ST18: variants seen among roughly 807,000 people sequenced by gnomAD.
The protein encoded by ST18 is suppression of tumorigenicity 18 protein.
A neutral mutation model predicts 110.0 loss-of-function variants in ST18; 50 were observed. The observed-to-expected ratio is 0.45, with a 90% CI of 0.36 to 0.58. ST18 has a LOEUF of 0.58. Ranked by LOEUF, ST18 falls within the 20% of genes least tolerant of loss-of-function variation. The pLI, the probability that ST18 is intolerant of heterozygous loss-of-function variation, is 0.00. For missense variants in ST18, 1,306 were observed against 1,280.1 expected (o/e 1.02, Z -0.31); for synonymous variants, 461 against 452.4 (o/e 1.02, Z -0.24).
chr8:52,118,412 A>G lies in ST18; in HGVS notation c.2785T>C (p.Leu929=), dbSNP rs371067974. ...GIESDEEIRH[L]DEEIKELNES... is the part of the protein sequence containing the mutation. ...TTCAGTTCCTTTATTTCTTCATCCAAATGCCTAATTTCTTCATCACTCTCT... is the reference window on the plus strand; with the variant it reads ...TTCAGTTCCTTTATTTCTTCATCCAGATGCCTAATTTCTTCATCACTCTCT... The change falls in exon 24 of 26, where the codon TTG becomes CTG. Residue 929 remains leucine (L), a synonymous_variant. Coordinates refer to ENST00000689386, the MANE Select transcript of ST18 (RefSeq NM_001352837.2). 6.0e-5 allele frequency: 97 copies of G among 1,611,224 alleles called. No homozygotes were observed. The highest frequency in any genetic ancestry group is 7.8e-5 in the Non-Finnish European group (92 of 1,178,770).
intron 9 of ST18, among the ~76,000 whole-genome samples, chr8:52,177,375 C>T (rs866581334): frequency 3.3e-5 from 5 of 152,228 alleles, no homozygotes; most frequent in Non-Finnish European, 7.3e-5. Context: ...TCTTCCTGAG[C>T]ACTATCCCTT....
intron 2 of ST18, among the ~76,000 whole-genome samples, chr8:52,265,551 G>A (rs2094841161): frequency 6.6e-6 from 1 of 152,232 alleles, no homozygotes; most frequent in Non-Finnish European, 1.5e-5. Context: ...GGGTGGCCAT[G>A]GAGATGAAGA....
chr8:52,317,944 C>T (rs1057354491), intron 2 of ST18, among the ~76,000 whole-genome samples: 2 of 152,092 alleles, frequency 1.3e-5, no homozygotes, highest in African/African-American at 4.8e-5. Context: ...AAAACCTAGG[C>T]AATACCATTC....
intron 2 of ST18, among the ~76,000 whole-genome samples, chr8:52,341,987 A>G (rs1425757925): frequency 6.6e-6 from 1 of 152,236 alleles, no homozygotes; most frequent in Non-Finnish European, 1.5e-5. Flanking sequence ...CAAAATTTCA[A>G]GTAGACAGAA....
At position 52,171,875 on chromosome 8, in the gene ST18, C is replaced by A. The variant is rs983036670; in HGVS notation, c.986G>T (p.Arg329Met). The A allele has an allele frequency of 1.5e-5, 25 of 1,614,102 alleles. No homozygotes were observed. Among genetic ancestry groups the A allele is most frequent in the East Asian group, 2.2e-5 (1 of 44,900 alleles). ...VFHNTYKELD[R>M]FLLEHLAGER... ...CCCTGCTAGGTGCTCCAGCAGGAAC[C>A]TATCCAGCTCTTTGTAGGTGTTATG... The change falls in exon 10 of 26, where the codon AGG (arginine) becomes ATG (methionine). Residue 329 changes from arginine (R) to methionine (M), a missense_variant. Arg to Met is a moderately conservative substitution (Grantham distance 91, BLOSUM62 -1). Coordinates refer to ENST00000689386, the MANE Select transcript of ST18 (RefSeq NM_001352837.2).
intron 8 of ST18, among the ~76,000 whole-genome samples, chr8:52,195,948 G>T (rs1026194577): frequency 6.6e-6 from 1 of 152,162 alleles, no homozygotes; most frequent in Non-Finnish European, 1.5e-5. Context: ...AGACCACATA[G>T]ATTCCACTTT....
intron 2 of ST18, among the ~76,000 whole-genome samples, chr8:52,363,617 T>G (rs1326925374): frequency 1.3e-5 from 2 of 152,224 alleles, no homozygotes; most frequent in East Asian, 3.9e-4. Flanking sequence ...TTTTCATTCA[T>G]GCATTCAACA....
At chr8:52,182,875 A>C (rs1281051410) in intron 8 of ST18, among the ~76,000 whole-genome samples, 1 of 152,156 alleles carries the variant, frequency 6.6e-6, no homozygotes, top group Non-Finnish European at 1.5e-5. Flanking sequence ...CTCAGGTGGC[A>C]GGGATGGTTA....
chr8:52,161,232 T>C (rs2061371789), intron 14 of ST18, 143 bp downstream of exon 14: 2 of 733,798 alleles, frequency 2.7e-6, no homozygotes, highest in Non-Finnish European at 4.2e-6. Flanking sequence ...TTCTTTATGG[T>C]ATTTCACTTG....
intron 16 of ST18, among the ~76,000 whole-genome samples, 187 bp downstream of exon 16, chr8:52,149,545 T>C (rs2058252787): frequency 1.3e-5 from 2 of 152,242 alleles, no homozygotes; most frequent in Admixed American, 6.5e-5. Context: ...CAAGTGATAA[T>C]AAAAGTTGGA....
chr8:52,151,664 A>G (rs1201373219), intron 15 of ST18, among the ~76,000 whole-genome samples: 2 of 152,202 alleles, frequency 1.3e-5, no homozygotes, highest in African/African-American at 4.8e-5. Flanking sequence ...CATCAAAACA[A>G]TTTTTGGCTT....
chr8:52,313,007 T>G (rs2095950456), intron 2 of ST18: 1 of 152,282 alleles, frequency 6.6e-6, no homozygotes, highest in Non-Finnish European at 1.5e-5. Flanking sequence ...CAGCCCATCC[T>G]GAACTATGTC....
At chr8:52,394,746 T>C (rs1840516351) in intron 2 of ST18, among the ~76,000 whole-genome samples, 1 of 152,244 alleles carries the variant, frequency 6.6e-6, no homozygotes, top group Admixed American at 6.5e-5. Context: ...TCCTTTACTA[T>C]ATCATCACCC....
Position 52,341,249 on chromosome 8 carries a change from G to T in ST18, c.-465+68079C>A, listed in dbSNP as rs557887257. Among the ~76,000 whole-genome samples the T allele has an allele frequency of 7.2e-5, 11 of 152,284 alleles. 1 individual carries two copies. The South Asian group carries it at 2.3e-3, about 32-fold the overall frequency. On this transcript the variant is annotated intron_variant, in intron 2 of 25. Transcript: ENST00000689386. ...CTTTGGAGACCCCAAAATCAAACAC[G>T]TGGAAAGGGATAAAACACAGGTCTT...
chr8:52,124,978 T>C (rs1335286465), intron 23 of ST18, among the ~76,000 whole-genome samples: 2 of 152,224 alleles, frequency 1.3e-5, no homozygotes, highest in African/African-American at 2.4e-5. Flanking sequence ...AGCTCAATTC[T>C]AGTCATGTGC....
intron 2 of ST18, among the ~76,000 whole-genome samples, chr8:52,247,520 G>A (rs921893039): frequency 1.3e-5 from 2 of 152,124 alleles, no homozygotes. Flanking sequence ...CGTAAGGATG[G>A]GGGCAAAATA....
chr8:52,300,057 G>A (rs974675727), intron 2 of ST18, among the ~76,000 whole-genome samples: 3 of 152,202 alleles, frequency 2.0e-5, no homozygotes, highest in African/African-American at 7.2e-5. Context: ...TGAGGTCCCT[G>A]ATTGTAAATG....
chr8:52,315,437 C>T (rs991975242), intron 2 of ST18, among the ~76,000 whole-genome samples: 2 of 152,352 alleles, frequency 1.3e-5, no homozygotes, highest in Non-Finnish European at 2.9e-5. Context: ...TCAGATGTCC[C>T]TTCAAGGAGG....
intron 7 of ST18, 134 bp downstream of exon 7, chr8:52,214,069 C>T (rs1588618878): frequency 1.1e-6 from 1 of 938,094 alleles, no homozygotes; most frequent in Admixed American, 2.3e-5. Flanking sequence ...GAGCCAGTGT[C>T]CTGGCTTGAT....
Sources: allele counts gnomAD v4.1 joint callset (sites outside exome capture counted in the v4.1 genomes callset), GRCh38; gene constraint gnomAD v4.1.1; transcripts MANE v1.5; gene names NCBI Gene and HGNC (gene_info 2026-07-23, HGNC 2026-07-21).